STIP1: variants seen among roughly 807,000 people sequenced by gnomAD.
STIP1 encodes the protein stress induced phosphoprotein 1.
A neutral mutation model predicts 77.4 loss-of-function variants in STIP1; 16 were observed. That is an observed-to-expected ratio of 0.21 (90% CI 0.14 to 0.31). The LOEUF (loss-of-function observed/expected upper bound fraction) is 0.31. Among genes scored for constraint, STIP1 ranks in the 10% least tolerant of loss-of-function variants. The pLI is 1.00. For missense variants in STIP1, 524 were observed against 684.8 expected, an observed-to-expected ratio of 0.77 and a Z score of 2.62; for synonymous variants, 258 against 246.6, an observed-to-expected ratio of 1.05 and a Z score of -0.44.
intron 1 of STIP1, 82 bp downstream of exon 1, chr11:64,186,352 GCGCCGGATCC>G: frequency 7.6e-7 from 1 of 1,317,384 alleles, no homozygotes; most frequent in Non-Finnish European, 1.0e-6. Flanking sequence ...GGCGGGGCGG[GCGCCGGATCC>G]AGGAGACCGG....
chr11:64,190,647 G>A (rs1946082089), intron 1 of STIP1, among the ~76,000 whole-genome samples: 1 of 152,180 alleles, frequency 6.6e-6, no homozygotes, highest in African/African-American at 2.4e-5. Flanking sequence ...ACTGGGTCGT[G>A]GGTGGATAAT....
chr11:64,197,610 C>G lies in STIP1; in HGVS notation c.902+15C>G, dbSNP rs1352199970. The G allele has an allele frequency of 1.2e-6, 2 of 1,613,686 alleles. No homozygotes were observed. Among genetic ancestry groups the G allele is most frequent in the East Asian group, 4.5e-5 (2 of 44,892 alleles). ...CAGATTGCCAAGTAGGCTCAACCTT[C>G]CAGAATACCTTGAGTAGCGCGGAGG... On this transcript the variant is annotated intron_variant, in intron 7 of 13. Coordinates refer to ENST00000305218, the MANE Select transcript of STIP1 (RefSeq NM_006819.3).
chr11:64,195,871 G>T (rs1447529108), intron 5 of STIP1, 58 bp downstream of exon 5: 1 of 1,604,996 alleles, frequency 6.2e-7, no homozygotes, highest in African/African-American at 1.3e-5. Context: ...AAATCTTTAT[G>T]TTGAATGGGG....
rs780131549 is a variant in STIP1, at chr11:64,192,411, C to T, written c.10-667C>T. Among the ~76,000 whole-genome samples the T allele has an allele frequency of 3.7e-4, 57 of 152,236 alleles. 1 individual carries two copies. The highest frequency in any genetic ancestry group is 1.2e-3 in the Admixed American group (18 of 15,276). On this transcript the variant is annotated intron_variant, in intron 1 of 13. Coordinates refer to ENST00000305218, the MANE Select transcript of STIP1 (RefSeq NM_006819.3). Reference sequence around the variant, plus strand: ...TTAAACCACAGTAGCATTTCTTCATCCTCCATCCCCTTTGTAATGTAATAT... The same window carrying T: ...TTAAACCACAGTAGCATTTCTTCATTCTCCATCCCCTTTGTAATGTAATAT...
Position 64,194,248 on chromosome 11 carries a change from A to G in STIP1, c.279A>G (p.Arg93=). 1 of 1,614,244 alleles carries G rather than the reference A, an allele frequency of 6.2e-7. No individual in the cohort carries two copies. Among genetic ancestry groups the G allele is most frequent in the Non-Finnish European group, 8.5e-7 (1 of 1,180,048 alleles). Residue 93 remains arginine (R), a synonymous_variant, in exon 3 of 14, where the codon CGA becomes CGG. Coordinates refer to ENST00000305218, the MANE Select transcript of STIP1 (RefSeq NM_006819.3). ...TAAACCGCTTTGAAGAAGCCAAGCGAACCTATGAGGAGGGCTTAAAACACG... is the reference window on the plus strand; with the variant it reads ...TAAACCGCTTTGAAGAAGCCAAGCGGACCTATGAGGAGGGCTTAAAACACG... ...EFLNRFEEAK[R]TYEEGLKHEA... is the part of the protein sequence containing the mutation.
At chr11:64,195,261 A>G (rs1946136329) in intron 4 of STIP1, among the ~76,000 whole-genome samples, 1 of 151,882 alleles carries the variant, frequency 6.6e-6, no homozygotes, top group African/African-American at 2.4e-5. Flanking sequence ...TTACAGGTGT[A>G]CGCCACCACG....
chr11:64,185,828 G>A (rs1177574038), upstream of STIP1: 7 of 1,535,976 alleles, frequency 4.6e-6, no homozygotes, highest in Non-Finnish European at 6.1e-6. Context: ...TTCCGACATG[G>A]AGTCCGGCAG....
chr11:64,203,557 C>T lies in STIP1; in HGVS notation c.1494C>T (p.Ile498=). 1 of 1,614,210 alleles carries T rather than the reference C, an allele frequency of 6.2e-7. No individual in the cohort carries two copies. The highest frequency in any genetic ancestry group is 1.1e-5 in the South Asian group (1 of 91,092). ...TGGCCGACCCTGAGGTGCAGCAGAT[C>T]ATGAGTGACCCAGCCATGCGCCTTA... is the stretch of plus-strand genomic sequence containing the variant. ...RAMADPEVQQ[I]MSDPAMRLIL... The change falls in exon 13 of 14, where the codon ATC becomes ATT. Residue 498 remains isoleucine, a synonymous_variant. Transcript: ENST00000305218.
chr11:64,189,248 C>G (rs1946063544), intron 1 of STIP1, among the ~76,000 whole-genome samples: 2 of 152,154 alleles, frequency 1.3e-5, no homozygotes, highest in Non-Finnish European at 1.5e-5. Flanking sequence ...GTAGTCCCGG[C>G]TACTTGGGAG....
intron 12 of STIP1, 27 bp downstream of exon 12, chr11:64,203,255 C>A (rs145717772): frequency 6.2e-7 from 1 of 1,604,016 alleles, no homozygotes; most frequent in Admixed American, 1.7e-5. Context: ...CCTCCAGGGG[C>A]CCCCCCTGCC....
chr11:64,199,911 A>G (rs746435980), intron 8 of STIP1, 29 bp from the exon 9 acceptor site: 2 of 1,612,890 alleles, frequency 1.2e-6, no homozygotes, highest in Non-Finnish European at 1.7e-6. Flanking sequence ...GAGCGTTTAA[A>G]TTATTATTTC....
Position 64,204,219 on chromosome 11 carries a change from G to A in STIP1, c.*93G>A. On this transcript the variant is annotated 3_prime_UTR_variant, in exon 14 of 14. Transcript: ENST00000305218. ...ACGGAGCGGAAGGGAGAGCAGGGGAGAGAAGGCCTCATCTCTCTATATTTA... is the reference window on the plus strand; with the variant it reads ...ACGGAGCGGAAGGGAGAGCAGGGGAAAGAAGGCCTCATCTCTCTATATTTA... 1 of 1,279,648 alleles carries A rather than the reference G, an allele frequency of 7.8e-7. No homozygotes were observed. Among genetic ancestry groups the A allele is most frequent in the Non-Finnish European group, 1.1e-6 (1 of 895,100 alleles). 79.3% of individuals were successfully genotyped at this position (1,279,648 alleles called of 1,614,324 possible).
intron 1 of STIP1, among the ~76,000 whole-genome samples, chr11:64,188,636 C>T (rs1431299148): frequency 1.3e-5 from 2 of 152,206 alleles, no homozygotes; most frequent in Non-Finnish European, 2.9e-5. Context: ...CTTGGCCTCC[C>T]ACTTCATTAG....
intron 10 of STIP1, among the ~76,000 whole-genome samples, chr11:64,200,539 G>T (rs1160380045): frequency 6.6e-6 from 1 of 151,130 alleles, no homozygotes; most frequent in Non-Finnish European, 1.5e-5. Flanking sequence ...AGGGGTGTGT[G>T]TGTGTATGTG....
chr11:64,185,667 G>A (rs558543830), upstream of STIP1: 46 of 1,027,492 alleles, frequency 4.5e-5, 1 homozygote, highest in South Asian at 6.0e-4. Flanking sequence ...AGCCGCCGGC[G>A]ACACAGCTAC....
chr11:64,187,305 C>T (rs1946034052), intron 1 of STIP1, among the ~76,000 whole-genome samples: 1 of 152,106 alleles, frequency 6.6e-6, no homozygotes, highest in Non-Finnish European at 1.5e-5. Flanking sequence ...AAACCTCTAC[C>T]AACCTCCGAG....
chr11:64,186,317 G>C, intron 1 of STIP1, 47 bp downstream of exon 1: 1 of 1,498,158 alleles, frequency 6.7e-7, no homozygotes, highest in Non-Finnish European at 8.9e-7. Context: ...CTCGGGGACC[G>C]GCGGTGGCCA....
chr11:64,186,344 C>T (rs879006524), intron 1 of STIP1, 74 bp downstream of exon 1: 8 of 53,680 alleles, frequency 1.5e-4, no homozygotes, highest in Non-Finnish European at 2.8e-4. Flanking sequence ...GGTAGGGGGG[C>T]GGGGCGGGCG....
chr11:64,196,435 G>A lies in STIP1; in HGVS notation c.672+622G>A, dbSNP rs373294332. On this transcript the variant is annotated intron_variant, in intron 5 of 13. Coordinates refer to ENST00000305218, the MANE Select transcript of STIP1 (RefSeq NM_006819.3). The stretch of plus-strand genomic sequence containing the variant: ...AAAAAGCTTCACAAGAGCATTCCTA[G>A]GAGTAATGTGTAGCAAAGAGTGAGC... Among the ~76,000 whole-genome samples, 259 of 151,162 alleles carry A rather than the reference G, an allele frequency of 1.7e-3. 2 individuals are homozygous for A. The South Asian group carries it at 0.025, about 15-fold the overall frequency.
Sources: gnomAD v4.1 joint callset for allele counts (sites outside exome capture counted in the v4.1 genomes callset) on GRCh38, gnomAD v4.1.1 for gene constraint, MANE v1.5 for transcripts, NCBI Gene and HGNC (gene_info 2026-07-23, HGNC 2026-07-21) for gene names.